Variants in ACAN observed in about 807,000 individuals in gnomAD.
ACAN encodes the protein aggrecan, also known as aggrecan core protein.
ACAN carries 47 observed loss-of-function variants against 169.1 expected under a neutral mutation model. The observed-to-expected ratio is 0.28, with a 90% CI of 0.22 to 0.35. The LOEUF (loss-of-function observed/expected upper bound fraction) is 0.35, where lower values mean the gene tolerates loss of function less well. Ranked by LOEUF, ACAN falls within the 10% of genes least tolerant of loss-of-function variation. The probability of loss-of-function intolerance (pLI) is 1.00; values close to 1 mark genes in which losing one functional copy is unlikely to be tolerated. For synonymous variants in ACAN, 1,115 were observed against 1,112.2 expected (o/e 1.00, Z -0.05); for missense variants, 2,716 against 2,759.9 (o/e 0.98, Z 0.36).
At chr15:88,845,481 A>G in intron 6 of ACAN, 24 bp from the exon 7 acceptor site, 1 of 1,577,170 alleles carries the variant, frequency 6.3e-7, no homozygotes, top group Non-Finnish European at 8.6e-7. Flanking sequence ...GAGAGGCTAA[A>G]GCTTGTCTTT....
chr15:88,848,448 G>A (rs1048757684), intron 9 of ACAN, among the ~76,000 whole-genome samples: 1 of 151,592 alleles, frequency 6.6e-6, no homozygotes, highest in African/African-American at 2.4e-5. Flanking sequence ...TGGGCACAGT[G>A]GCTCACACCT....
chr15:88,862,738 C>T (rs1897219631), intron 13 of ACAN, among the ~76,000 whole-genome samples: 2 of 152,206 alleles, frequency 1.3e-5, no homozygotes, highest in Admixed American at 1.3e-4. Context: ...TGGCTCATGC[C>T]TGTAATCCCA....
At chr15:88,822,848 T>C (rs59885593) in intron 1 of ACAN, among the ~76,000 whole-genome samples, 6 of 152,040 alleles carry the variant, frequency 3.9e-5, no homozygotes, top group Non-Finnish European at 8.8e-5. Context: ...CTTTCTTACC[T>C]TTGACTAGAT....
Position 88,845,697 on chromosome 15 carries a change from A to G in ACAN, c.1244A>G (p.Glu415Gly). The G allele has an allele frequency of 6.2e-7, 1 of 1,614,010 alleles. No individual in the cohort carries two copies. Among genetic ancestry groups the G allele is most frequent in the South Asian group, 1.1e-5 (1 of 91,082 alleles). The change falls in exon 7 of 19, where the codon GAG (glutamate) becomes GGG (glycine). Residue 415 changes from glutamate to glycine, a missense_variant. Physicochemically the swap from Glu to Gly is moderately conservative, Grantham distance 98. This residue lies in a region of ACAN where 1,283 missense variants were observed against 1,281.5 expected (regional missense o/e 1.00). Coordinates refer to ENST00000560601, the MANE Select transcript of ACAN (RefSeq NM_001369268.1). ...FEVSPSPLEP[E>G]EPFTFAPEIG... ...GTCTCCCCCAGTCCCCTGGAACCCG[A>G]GGAGCCCTTCACGTTTGCCCCTGAA...
At position 88,849,696 on chromosome 15, in the gene ACAN, A is replaced by G; in HGVS notation, c.1991A>G (p.Asp664Gly). 1 of 1,613,780 alleles carries G rather than the reference A, an allele frequency of 6.2e-7. No individual in the cohort carries two copies. The highest frequency in any genetic ancestry group is 2.2e-5 in the East Asian group (1 of 44,880). ...YLYPNQTGLP[D>G]PLSRHHAFCF... ...TACCCTAACCAGACGGGCCTCCCAG[A>G]CCCACTGTCCCGGCACCATGCCTTC... Residue 664 changes from aspartate to glycine, a missense_variant, in exon 10 of 19, where the codon GAC becomes GGC. Asp to Gly is a moderately conservative substitution (Grantham distance 94, BLOSUM62 -1). Around this residue, in one of 3 missense-constraint regions of ACAN, gnomAD observed 1,283 missense variants for 1,281.5 expected, o/e 1.00. Transcript: ENST00000560601. The surrounding 1 kb of genome is among the most constrained non-coding windows in gnomAD (Gnocchi z 5.1).
At position 88,857,550 on chromosome 15, in the gene ACAN, A is replaced by C; in HGVS notation, c.4965A>C (p.Gly1655=). The change falls in exon 12 of 19, where the codon GGA becomes GGC. Residue 1655 remains glycine, a synonymous_variant. Coordinates refer to ENST00000560601, the MANE Select transcript of ACAN (RefSeq NM_001369268.1). The stretch of plus-strand genomic sequence containing the variant: ...CTGACTTTAGTGGACTTCCATCTGG[A>C]TTCCCAACTGTTTCCCTAGTGGATT... ...GLPDFSGLPS[G]FPTVSLVDST... is the part of the protein sequence containing the mutation. 1 of 1,613,922 alleles carries C rather than the reference A, an allele frequency of 6.2e-7. No individual in the cohort carries two copies. Among genetic ancestry groups the C allele is most frequent in the African/African-American group, 1.3e-5 (1 of 75,046 alleles).
At position 88,856,990 on chromosome 15, in the gene ACAN, G is replaced by C. The variant is rs1233899225; in HGVS notation, c.4405G>C (p.Gly1469Arg). ...TSTSAVGDLS[G>R]LPSGGEVLEI... The stretch of plus-strand genomic sequence containing the variant: ...TACCTCTGCGGTAGGGGACCTCAGT[G>C]GACTTCCTTCTGGAGGAGAAGTTCT... Residue 1469 changes from glycine to arginine, a missense_variant, in exon 12 of 19, where the codon GGA (glycine) becomes CGA (arginine). Gly to Arg is a moderately radical substitution (Grantham distance 125). This residue lies in a region of ACAN where 1,389 missense variants were observed against 1,363.7 expected (regional missense o/e 1.02). Coordinates refer to ENST00000560601, the MANE Select transcript of ACAN (RefSeq NM_001369268.1). The C allele has an allele frequency of 1.9e-6, 3 of 1,613,384 alleles. No homozygotes were observed. Among genetic ancestry groups the C allele is most frequent in the Non-Finnish European group, 2.5e-6 (3 of 1,179,750 alleles).
intron 2 of ACAN, among the ~76,000 whole-genome samples, chr15:88,836,893 C>A (rs1378302427): frequency 6.6e-6 from 1 of 152,234 alleles, no homozygotes; most frequent in African/African-American, 2.4e-5. Context: ...CAGGCCCAGA[C>A]AAGAGAGGAC....
chr15:88,871,507 A>T lies in ACAN; in HGVS notation c.7186A>T (p.Ile2396Phe). Residue 2396 changes from isoleucine (I) to phenylalanine (F), a missense_variant, in exon 15 of 19, where the codon ATC (isoleucine) becomes TTC (phenylalanine). Coordinates refer to ENST00000560601, the MANE Select transcript of ACAN (RefSeq NM_001369268.1). This position sits in a 1 kb window ranked among gnomAD's most constrained non-coding sequence, Gnocchi z 7.8. ...GGAGCAGCAGTCACACCTGAGCAGC[A>T]TCGTCACCCCCGAGGAGCAGGAGTT... The part of the protein sequence containing the change: ...CREQQSHLSS[I>F]VTPEEQEFVN... The T allele has an allele frequency of 1.2e-6, 2 of 1,613,704 alleles. No individual in the cohort carries two copies. The highest frequency in any genetic ancestry group is 1.7e-6 in the Non-Finnish European group (2 of 1,179,796).
At chr15:88,825,792 A>G (rs918767041) in intron 1 of ACAN, among the ~76,000 whole-genome samples, 1 of 152,072 alleles carries the variant, frequency 6.6e-6, no homozygotes, top group Non-Finnish European at 1.5e-5. Flanking sequence ...TGCTCCTTCC[A>G]CTTCCTACTG....
At chr15:88,853,759 T>TACAA (rs1196761014) in intron 11 of ACAN, among the ~76,000 whole-genome samples, 3 of 140,124 alleles carry the variant, frequency 2.1e-5, no homozygotes, top group African/African-American at 9.8e-5. Flanking sequence ...GATAGATACA[T>TACAA]ACATACATAC....
intron 1 of ACAN, among the ~76,000 whole-genome samples, chr15:88,813,221 T>G (rs1895863496): frequency 6.6e-6 from 1 of 152,186 alleles, no homozygotes; most frequent in African/African-American, 2.4e-5. Context: ...CAAACCATGC[T>G]TCAGAGTCCG....
intron 2 of ACAN, among the ~76,000 whole-genome samples, chr15:88,837,792 A>T (rs1364719593): frequency 1.3e-5 from 2 of 151,858 alleles, no homozygotes; most frequent in Non-Finnish European, 2.9e-5. Flanking sequence ...TGATGTATCT[A>T]CAACCCACAA....
chr15:88,803,870 G>A (rs998018114), intron 1 of ACAN, 61 bp downstream of exon 1: 2 of 152,372 alleles, frequency 1.3e-5, no homozygotes, highest in African/African-American at 4.8e-5. Flanking sequence ...GCCAGGAACG[G>A]GACTGAGACT....
intron 13 of ACAN, among the ~76,000 whole-genome samples, chr15:88,865,064 G>A (rs2141625078): frequency 6.6e-6 from 1 of 152,308 alleles, no homozygotes; most frequent in Admixed American, 6.5e-5. Context: ...GTGATGCTTT[G>A]CAACTATCTC....
rs186939116 is a variant in ACAN, at chr15:88,851,707, G to A, written c.2027-87G>A. 229 of 1,453,646 alleles carry A rather than the reference G, an allele frequency of 1.6e-4. No homozygotes were observed. The African/African-American group carries it at 2.7e-3, about 17-fold the overall frequency. The allele number at this position is 1,453,646 out of a possible 1,614,324, so 90.0% of individuals were successfully genotyped here. A position where few individuals can be genotyped will look rare whatever the true frequency, so the allele number is the denominator to read the frequency against. Reference sequence around the variant, plus strand: ...GGAGGTGGGGCCTGGCCACCTCAGAGTCCCCTAGCTCCCCTCAAGAAGGGC... The same window carrying A: ...GGAGGTGGGGCCTGGCCACCTCAGAATCCCCTAGCTCCCCTCAAGAAGGGC... On this transcript the variant is annotated intron_variant, in intron 10 of 18. Transcript: ENST00000560601. This position sits in a 1 kb window ranked among gnomAD's most constrained non-coding sequence, Gnocchi z 4.3.
At chr15:88,844,299 T>TC (rs1282073331) in intron 6 of ACAN, among the ~76,000 whole-genome samples, 1 of 150,004 alleles carries the variant, frequency 6.7e-6, no homozygotes, top group Non-Finnish European at 1.5e-5. Context: ...CTTTGCTTTT[T>TC]TTTTTTTTTT....
intron 4 of ACAN, among the ~76,000 whole-genome samples, chr15:88,840,871 G>T (rs1010464031): frequency 2.6e-5 from 4 of 152,160 alleles, no homozygotes; most frequent in Admixed American, 2.6e-4. Flanking sequence ...TCAGCCGGGC[G>T]CAGTGGCTCA....
intron 13 of ACAN, among the ~76,000 whole-genome samples, chr15:88,864,013 AAT>A (rs762454865): frequency 1.3e-5 from 2 of 152,034 alleles, no homozygotes; most frequent in Non-Finnish European, 2.9e-5. Flanking sequence ...TGCTACAAAA[AAT>A]ATATGTTTTT....
Sources: gnomAD v4.1 joint callset for allele counts (sites outside exome capture counted in the v4.1 genomes callset) on GRCh38, gnomAD v4.1.1 for gene constraint, gnomAD v4.1.1 regional missense constraint, Gnocchi (gnomAD v3.1) non-coding constraint, MANE v1.5 for transcripts, NCBI Gene and HGNC (gene_info 2026-07-23, HGNC 2026-07-21) for gene names.